ATP8B1: variants seen among roughly 807,000 people sequenced by gnomAD.
ATP8B1 encodes ATPase phospholipid transporting 8B1, also known as phospholipid-transporting ATPase IC.
A neutral mutation model predicts 149.9 loss-of-function variants in ATP8B1; 80 were observed. The ratio of observed to expected loss-of-function variants is 0.53; its 90% CI spans 0.45 to 0.64. The LOEUF (loss-of-function observed/expected upper bound fraction) is 0.64. Ranked by LOEUF, ATP8B1 falls within the 30% of genes least tolerant of loss-of-function variation. ATP8B1 has a pLI of 0.00. For missense variants in ATP8B1, 1,247 were observed against 1,552.6 expected (o/e 0.80, Z 3.31); for synonymous variants, 536 against 562.8 (o/e 0.95, Z 0.67).
In ATP8B1 at chr18:57,727,658, A is replaced by G. The variant is rs368229453; in HGVS notation, c.181+3969T>C. On this transcript the variant is annotated intron_variant, in intron 2 of 27. Transcript: ENST00000648908. ...ACAAAAATTAGCCAGGCGTGGTAGC[A>G]TACGCCTGTAATCCCAGCTACTTGG... 2.4e-3 allele frequency among the ~76,000 whole-genome samples: 359 copies of G among 151,940 alleles called. 2 individuals are homozygous for G. The highest frequency in any genetic ancestry group is 8.3e-3 in the African/African-American group (344 of 41,446).
intron 1 of ATP8B1, among the ~76,000 whole-genome samples, chr18:57,773,875 G>A (rs60258783): frequency 0.044 from 6,769 of 152,144 alleles, 458 homozygotes; most frequent in East Asian, 0.31. Flanking sequence ...CTTGGCTGAA[G>A]CTCTGTTCTC....
At chr18:57,672,884 A>AG (rs1394781664) in intron 16 of ATP8B1, among the ~76,000 whole-genome samples, 3 of 41,832 alleles carry the variant, frequency 7.2e-5, no homozygotes, top group South Asian at 9.3e-4. Flanking sequence ...AAAAAAAAAA[A>AG]AGTATATATA....
At chr18:57,776,189 A>G (rs1384605007) in intron 1 of ATP8B1, among the ~76,000 whole-genome samples, 1 of 152,132 alleles carries the variant, frequency 6.6e-6, no homozygotes, top group East Asian at 1.9e-4. Context: ...TGATGATTCA[A>G]TTCCATTTGG....
At chr18:57,753,989 T>C in intron 1 of ATP8B1, among the ~76,000 whole-genome samples, 1 of 149,630 alleles carries the variant, frequency 6.7e-6, no homozygotes, top group African/African-American at 2.5e-5. Context: ...ATCTGAATAT[T>C]TAATAAAGTG....
At chr18:57,730,243 G>GT (rs1262479327) in intron 2 of ATP8B1, among the ~76,000 whole-genome samples, 1 of 149,886 alleles carries the variant, frequency 6.7e-6, no homozygotes, top group Non-Finnish European at 1.5e-5. Flanking sequence ...TAGAGGGGGG[G>GT]TTTGGCATGG....
Position 57,749,930 on chromosome 18 carries a change from GA to G in ATP8B1, c.-25-18099del, listed in dbSNP as rs1277691276. ...AATGGAATTAGTGTAAGAATAGAGA[GA>G]AGAGCATTAAGGATAAACTAGGGGT... is the stretch of plus-strand genomic sequence containing the variant. On this transcript the variant is annotated intron_variant, in intron 1 of 27. Coordinates refer to ENST00000648908, the MANE Select transcript of ATP8B1 (RefSeq NM_001374385.1). Among the ~76,000 whole-genome samples, 8 of 152,332 alleles carry G rather than the reference GA, an allele frequency of 5.3e-5. No individual in the cohort carries two copies. The East Asian group carries it at 1.3e-3, about 26-fold the overall frequency.
At chr18:57,789,049 G>A (rs28677006) in intron 1 of ATP8B1, among the ~76,000 whole-genome samples, 3,187 of 152,180 alleles carry the variant, frequency 0.021, 108 homozygotes, top group African/African-American at 0.074. Flanking sequence ...ATGATTTTGT[G>A]TTCCAAGAGT....
intron 13 of ATP8B1, 141 bp from the exon 14 acceptor site, chr18:57,685,256 A>G (rs1237652868): frequency 3.1e-4 from 299 of 949,766 alleles, no homozygotes; most frequent in Non-Finnish European, 5.1e-6. Context: ...CTGGCACTTT[A>G]CAGAAAACGT....
At chr18:57,688,686 G>A in intron 12 of ATP8B1, 179 bp from the exon 13 acceptor site, 2 of 675,190 alleles carry the variant, frequency 3.0e-6, no homozygotes, top group Admixed American at 2.3e-5. Context: ...CAGTATTGAG[G>A]TGGGGCCTTT....
chr18:57,768,605 C>T (rs1334491789), intron 1 of ATP8B1, among the ~76,000 whole-genome samples: 3 of 77,296 alleles, frequency 3.9e-5, no homozygotes, highest in Non-Finnish European at 5.9e-5. Context: ...AAAAAAAAAG[C>T]TAAGCTTTTA....
intron 10 of ATP8B1, 86 bp downstream of exon 10, chr18:57,695,085 T>G (rs1463192065): frequency 1.4e-6 from 2 of 1,450,414 alleles, no homozygotes; most frequent in Non-Finnish European, 1.9e-6. Context: ...TTCTTTTGGT[T>G]TTGATGGACA....
At chr18:57,719,982 G>T (rs1357587309) in intron 2 of ATP8B1, among the ~76,000 whole-genome samples, 3 of 151,998 alleles carry the variant, frequency 2.0e-5, no homozygotes, top group Admixed American at 6.6e-5. Flanking sequence ...CCCAGCAGGG[G>T]CACACTGACA....
intron 2 of ATP8B1, among the ~76,000 whole-genome samples, chr18:57,721,202 C>A (rs1279673411): frequency 2.9e-5 from 4 of 136,574 alleles, no homozygotes; most frequent in African/African-American, 5.4e-5. Context: ...CGAGCAAAAT[C>A]ACCAGCTAAC....
intron 1 of ATP8B1, among the ~76,000 whole-genome samples, chr18:57,775,343 G>A (rs2080297795): frequency 6.6e-6 from 1 of 151,240 alleles, no homozygotes; most frequent in Non-Finnish European, 1.5e-5. Flanking sequence ...AGAGAAGGAA[G>A]GAGGGGGAGA....
At chr18:57,688,696 TAGA>T in intron 12 of ATP8B1, 189 bp from the exon 13 acceptor site, 1 of 638,776 alleles carries the variant, frequency 1.6e-6, no homozygotes, top group South Asian at 1.8e-5. Context: ...GTGGGGCCTT[TAGA>T]AGGTCATTAG....
At chr18:57,751,562 A>G (rs978526812) in intron 1 of ATP8B1, among the ~76,000 whole-genome samples, 30 of 152,178 alleles carry the variant, frequency 2.0e-4, no homozygotes, top group African/African-American at 7.0e-4. Context: ...AACAGCTTCC[A>G]TAGGTCAAAT....
At chr18:57,663,973 G>C (rs1351679851) in intron 20 of ATP8B1, among the ~76,000 whole-genome samples, 1 of 150,896 alleles carries the variant, frequency 6.6e-6, no homozygotes, top group Non-Finnish European at 1.5e-5. Flanking sequence ...CACCATGTTG[G>C]CCAGGATGGT....
At chr18:57,695,855 T>C (rs560080003) in intron 8 of ATP8B1, among the ~76,000 whole-genome samples, 1 of 152,376 alleles carries the variant, frequency 6.6e-6, no homozygotes, top group South Asian at 2.1e-4. Flanking sequence ...TTTGAAAATG[T>C]AGTGTCTAAT....
intron 3 of ATP8B1, 111 bp downstream of exon 3, chr18:57,706,379 C>T: frequency 1.2e-6 from 1 of 812,356 alleles, no homozygotes; most frequent in Non-Finnish European, 2.1e-6. Context: ...TATCAGTAGC[C>T]CCAGGCAGGT....
Sources: gnomAD v4.1 joint callset for allele counts (sites outside exome capture counted in the v4.1 genomes callset) on GRCh38, gnomAD v4.1.1 for gene constraint, MANE v1.5 for transcripts, NCBI Gene and HGNC (gene_info 2026-07-23, HGNC 2026-07-21) for gene names.